TEX9: variants seen among roughly 807,000 people sequenced by gnomAD.
TEX9 encodes testis expressed 9.
TEX9 carries 74 observed loss-of-function variants against 59.6 expected under a neutral mutation model. That is an observed-to-expected ratio of 1.24 (90% CI 1.03 to 1.51). The LOEUF (loss-of-function observed/expected upper bound fraction) is 1.51, where lower values mean the gene tolerates loss of function less well. TEX9 is among the 40% of genes most tolerant of loss of function. The pLI is 0.00. For synonymous variants in TEX9, 186 were observed against 152.2 expected, an observed-to-expected ratio of 1.22 and a Z score of -1.64; for missense variants, 522 against 447.8, an observed-to-expected ratio of 1.17 and a Z score of -1.49.
chr15:56,427,555 C>T (rs1023696563), intron 10 of TEX9, 50 bp from the exon 11 acceptor site: 4 of 1,260,706 alleles, frequency 3.2e-6, no homozygotes, highest in South Asian at 1.6e-5. Flanking sequence ...TAATTCTTTC[C>T]ATTGAGGCTG....
At chr15:56,265,335 T>A (rs2044356027) in intron 1 of TEX9, among the ~76,000 whole-genome samples, 1 of 151,688 alleles carries the variant, frequency 6.6e-6, no homozygotes, top group African/African-American at 2.4e-5. Context: ...CCCAGCTTTT[T>A]TTTTATTTTT....
At chr15:56,272,156 A>AG (rs2044550358) in intron 1 of TEX9, among the ~76,000 whole-genome samples, 5 of 151,624 alleles carry the variant, frequency 3.3e-5, no homozygotes, top group Admixed American at 3.3e-4. Context: ...AAAAAAAAAA[A>AG]TGTACAATTT....
intron 6 of TEX9, 26 bp downstream of exon 6, chr15:56,389,426 CT>C (rs141431012): frequency 0.025 from 37,376 of 1,495,322 alleles, 568 homozygotes; most frequent in Non-Finnish European, 0.029. Context: ...CAAAGTATTT[CT>C]TTTTTTTTAG....
chr15:56,381,323 T>G (rs2047716120), intron 3 of TEX9, among the ~76,000 whole-genome samples: 1 of 152,188 alleles, frequency 6.6e-6, no homozygotes, highest in Admixed American at 6.6e-5. Context: ...TTGGGTTTCT[T>G]TGAGCTTTCT....
chr15:56,292,067 T>C (rs2045107144), intron 1 of TEX9, among the ~76,000 whole-genome samples: 1 of 152,230 alleles, frequency 6.6e-6, no homozygotes, highest in Non-Finnish European at 1.5e-5. Context: ...TTCATAATGC[T>C]GTATACATCT....
intron 12 of TEX9, among the ~76,000 whole-genome samples, chr15:56,445,128 T>C (rs2050885408): frequency 6.6e-6 from 1 of 152,036 alleles, no homozygotes; most frequent in Non-Finnish European, 1.5e-5. Context: ...TTTGAGCAGC[T>C]CTTAAGTTTC....
At chr15:56,451,337 G>C in the TEX9 span, among the ~76,000 whole-genome samples, 1 of 152,230 alleles carries the variant, frequency 6.6e-6, no homozygotes, top group South Asian at 2.1e-4. Context: ...TGAGCTAGGA[G>C]GGAATGAGGA....
chr15:56,442,906 A>C (rs1319366882), intron 12 of TEX9, among the ~76,000 whole-genome samples: 1 of 151,810 alleles, frequency 6.6e-6, no homozygotes. Flanking sequence ...TGGAAAGAGA[A>C]AAAGAAAAAA....
intron 1 of TEX9, among the ~76,000 whole-genome samples, chr15:56,318,563 A>G (rs992058994): frequency 6.6e-6 from 1 of 151,792 alleles, no homozygotes; most frequent in Non-Finnish European, 1.5e-5. Context: ...GCTATTCTCC[A>G]TTTGTTTTCT....
intron 1 of TEX9, among the ~76,000 whole-genome samples, chr15:56,291,212 T>G (rs1178054832): frequency 3.9e-5 from 6 of 152,232 alleles, no homozygotes; most frequent in African/African-American, 1.4e-4. Context: ...GTGAAAGATC[T>G]AGGTCAGAGA....
chr15:56,358,208 C>G (rs112404113), intron 1 of TEX9, among the ~76,000 whole-genome samples: 34 of 152,214 alleles, frequency 2.2e-4, no homozygotes, highest in Non-Finnish European at 4.6e-4. Flanking sequence ...CTCAGCTTAA[C>G]CTTTTTATTC....
At chr15:56,361,987 C>G (rs982985924), upstream of TEX9, among the ~76,000 whole-genome samples, 1 of 150,544 alleles carries the variant, frequency 6.6e-6, no homozygotes, top group Admixed American at 6.6e-5. Context: ...TTGTTTTAAG[C>G]CACTCACTTG....
chr15:56,430,455 C>T (rs1238162897), intron 12 of TEX9, among the ~76,000 whole-genome samples: 3 of 152,196 alleles, frequency 2.0e-5, no homozygotes, highest in African/African-American at 7.2e-5. Context: ...ATCCTCCTGC[C>T]TCAGCCTCCC....
chr15:56,301,501 C>T (rs971952998), intron 1 of TEX9, among the ~76,000 whole-genome samples: 1 of 151,768 alleles, frequency 6.6e-6, no homozygotes, highest in African/African-American at 2.4e-5. Flanking sequence ...AATAATCAAA[C>T]TCGCAATGGT....
At chr15:56,276,330 G>T (rs2044667418) in intron 1 of TEX9, among the ~76,000 whole-genome samples, 1 of 151,740 alleles carries the variant, frequency 6.6e-6, no homozygotes, top group Non-Finnish European at 1.5e-5. Flanking sequence ...CCCTCCTCTT[G>T]CCCCCCACAC....
At chr15:56,453,619 A>G in the TEX9 span, among the ~76,000 whole-genome samples, 824 of 152,334 alleles carry the variant, frequency 5.4e-3, 18 homozygotes, top group African/African-American at 0.019. Context: ...TTAACTGTGT[A>G]ATAAATACAT....
intron 7 of TEX9, among the ~76,000 whole-genome samples, chr15:56,392,359 C>T (rs2048255867): frequency 6.6e-6 from 1 of 152,104 alleles, no homozygotes; most frequent in East Asian, 1.9e-4. Context: ...TGAGGCATCT[C>T]ACACGGTGGG....
Position 56,292,776 on chromosome 15 carries a change from C to T in TEX9, c.-107+48498C>T, listed in dbSNP as rs1261045626. On this transcript the variant is annotated intron_variant, in intron 1 of 5. Transcript: ENST00000560827. Reference sequence around the variant, plus strand: ...GACATACATGCAGTGGTGGCTCATACCCAATAGCTGACTGATATGGCGGTA... The same window carrying T: ...GACATACATGCAGTGGTGGCTCATATCCAATAGCTGACTGATATGGCGGTA... Among the ~76,000 whole-genome samples the T allele has an allele frequency of 2.6e-5, 4 of 152,204 alleles. No individual in the cohort carries two copies. In the East Asian group the frequency reaches 7.7e-4, roughly 29 times the overall value.
chr15:56,342,191 A>G (rs1204863283), intron 1 of TEX9, among the ~76,000 whole-genome samples: 1 of 152,146 alleles, frequency 6.6e-6, no homozygotes, highest in Non-Finnish European at 1.5e-5. Flanking sequence ...TAAAAATAGT[A>G]ACTAATCTAT....
Sources: gnomAD v4.1 joint callset for allele counts (sites outside exome capture counted in the v4.1 genomes callset) on GRCh38, gnomAD v4.1.1 for gene constraint, MANE v1.5 for transcripts, NCBI Gene and HGNC (gene_info 2026-07-23, HGNC 2026-07-21) for gene names.